ZC3H12B: variants seen among roughly 807,000 people sequenced by gnomAD.
ZC3H12B encodes probable ribonuclease ZC3H12B.
In ZC3H12B, 7 loss-of-function variants were observed where a neutral mutation model predicts 43.9. That is an observed-to-expected ratio of 0.16 (90% CI 0.09 to 0.30). The LOEUF (loss-of-function observed/expected upper bound fraction) is 0.30, where lower values mean the gene tolerates loss of function less well. ZC3H12B is among the 10% of genes least tolerant of loss of function. The pLI, the probability that ZC3H12B is intolerant of heterozygous loss-of-function variation, is 1.00. For missense variants in ZC3H12B, 475 were observed against 670.2 expected, an observed-to-expected ratio of 0.71 and a Z score of 3.22; for synonymous variants, 222 against 241.7, an observed-to-expected ratio of 0.92 and a Z score of 0.76.
chrX:65,252,620 C>G, the ZC3H12B span, among the ~76,000 whole-genome samples: 1 of 111,554 alleles, frequency 9.0e-6, no homozygotes, highest in Admixed American at 9.5e-5. Context: ...GGAGTTTGCC[C>G]TTGTCTCTAT....
At chrX:65,070,472 C>T in the ZC3H12B span, among the ~76,000 whole-genome samples, 1 of 111,098 alleles carries the variant, frequency 9.0e-6, no homozygotes, top group Admixed American at 9.6e-5. Context: ...TTGTCTTCTG[C>T]TAGCTTTGAG....
the ZC3H12B span, among the ~76,000 whole-genome samples, chrX:65,137,005 A>G: frequency 8.9e-6 from 1 of 111,806 alleles, no homozygotes; most frequent in South Asian, 3.7e-4. Context: ...CTCTGGAAAA[A>G]ATACTACTTA....
At chrX:65,495,848 C>T (rs1249966120) in intron 1 of ZC3H12B, among the ~76,000 whole-genome samples, 1 of 111,424 alleles carries the variant, frequency 9.0e-6, no homozygotes, top group East Asian at 2.8e-4. Flanking sequence ...ATTTCATGTT[C>T]TGATTATAGA....
chrX:65,098,738 A>C, the ZC3H12B span, among the ~76,000 whole-genome samples: 3 of 111,158 alleles, frequency 2.7e-5, no homozygotes, highest in African/African-American at 9.8e-5. Flanking sequence ...TGCAATCCGC[A>C]GACCAGGAGA....
At chrX:65,368,128 C>A (rs1454706826) in intron 1 of ZC3H12B, among the ~76,000 whole-genome samples, 1 of 112,045 alleles carries the variant, frequency 8.9e-6, no homozygotes, top group African/African-American at 3.2e-5. Flanking sequence ...TTAATGTTCT[C>A]AAAATGACTT....
chrX:65,068,173 T>G, the ZC3H12B span, among the ~76,000 whole-genome samples: 2 of 108,700 alleles, frequency 1.8e-5, no homozygotes, highest in African/African-American at 6.7e-5. Flanking sequence ...TCTTGCTTTT[T>G]TCTTTTTTAT....
chrX:65,429,977 T>A (rs2067134247), intron 3 of ZC3H12B, among the ~76,000 whole-genome samples: 1 of 112,128 alleles, frequency 8.9e-6, no homozygotes, highest in African/African-American at 3.2e-5. Flanking sequence ...TCCACCCAGT[T>A]GCCATTGGCT....
chrX:65,417,102 A>C (rs1431906249), intron 3 of ZC3H12B, among the ~76,000 whole-genome samples: 1 of 111,447 alleles, frequency 9.0e-6, no homozygotes, highest in Non-Finnish European at 1.9e-5. Flanking sequence ...TGCTTCTCAA[A>C]CCTACCTGGG....
At chrX:65,198,752 G>A in the ZC3H12B span, among the ~76,000 whole-genome samples, 1 of 111,473 alleles carries the variant, frequency 9.0e-6, no homozygotes, top group Non-Finnish European at 1.9e-5. Context: ...TCTAGGTTTG[G>A]GAAGTTCTCT....
chrX:65,437,790 G>A (rs2067239437), intron 3 of ZC3H12B, among the ~76,000 whole-genome samples: 1 of 111,605 alleles, frequency 9.0e-6, no homozygotes, highest in African/African-American at 3.3e-5. Context: ...TATTGCCTAT[G>A]CTTATGGGGT....
chrX:65,071,793 G>T, the ZC3H12B span, among the ~76,000 whole-genome samples: 1 of 111,709 alleles, frequency 9.0e-6, no homozygotes, highest in Admixed American at 9.5e-5. Context: ...ATTTCTTCTG[G>T]CTTGTAGGAT....
At chrX:65,431,220 T>C (rs2067158196) in intron 3 of ZC3H12B, among the ~76,000 whole-genome samples, 1 of 112,726 alleles carries the variant, frequency 8.9e-6, no homozygotes, top group Non-Finnish European at 1.9e-5. Flanking sequence ...TGGATGGTAG[T>C]TCTGGCAGAA....
the ZC3H12B span, among the ~76,000 whole-genome samples, chrX:65,304,628 AAC>A: frequency 9.1e-6 from 1 of 110,176 alleles, no homozygotes; most frequent in African/African-American, 3.3e-5. Flanking sequence ...AAAAAAAAAA[AAC>A]AAAAAACAAA....
chrX:65,169,862 C>CT, the ZC3H12B span, among the ~76,000 whole-genome samples: 2 of 111,589 alleles, frequency 1.8e-5, no homozygotes, highest in Middle Eastern at 4.2e-3. Flanking sequence ...GCAATCTCTG[C>CT]TTTTTTTGTT....
chrX:65,226,361 C>A, the ZC3H12B span, among the ~76,000 whole-genome samples: 9,195 of 110,873 alleles, frequency 0.083, 1,027 homozygotes, highest in African/African-American at 0.29. Context: ...TAAAAGAGCG[C>A]CTGAAGGAAG....
chrX:65,121,936 T>C, the ZC3H12B span, among the ~76,000 whole-genome samples: 1 of 111,829 alleles, frequency 8.9e-6, no homozygotes, highest in Non-Finnish European at 1.9e-5. Context: ...GGTTGTTCAG[T>C]TTCCATGTAG....
At chrX:65,064,046 T>C in the ZC3H12B span, among the ~76,000 whole-genome samples, 1 of 112,105 alleles carries the variant, frequency 8.9e-6, no homozygotes, top group Non-Finnish European at 1.9e-5. Context: ...TTCTTCTTTC[T>C]TTTCTTCTTT....
chrX:65,064,819 G>A, the ZC3H12B span, among the ~76,000 whole-genome samples: 26 of 111,521 alleles, frequency 2.3e-4, no homozygotes, highest in Admixed American at 4.7e-4. Context: ...TATGAATCTC[G>A]GTCCTCCTTT....
chrX:65,166,379 GT>G, the ZC3H12B span, among the ~76,000 whole-genome samples: 2 of 111,290 alleles, frequency 1.8e-5, no homozygotes, highest in Admixed American at 9.6e-5. Flanking sequence ...TGAACTCATC[GT>G]TTTTTATGGC....
Sources: gnomAD v4.1 joint callset for allele counts (sites outside exome capture counted in the v4.1 genomes callset) on GRCh38, gnomAD v4.1.1 for gene constraint, MANE v1.5 for transcripts, NCBI Gene and HGNC (gene_info 2026-07-23, HGNC 2026-07-21) for gene names.